The following MAPT variants were observed in gnomAD, a reference collection of about 807,000 sequenced individuals.
MAPT encodes the protein microtubule associated protein tau, also known as microtubule-associated protein tau.
A neutral mutation model predicts 67.9 loss-of-function variants in MAPT; 34 were observed. The ratio of observed to expected loss-of-function variants is 0.50; its 90% CI spans 0.38 to 0.67. The LOEUF (loss-of-function observed/expected upper bound fraction) is 0.67. Ranked by LOEUF, MAPT falls within the 30% of genes least tolerant of loss-of-function variation. The probability of loss-of-function intolerance (pLI) is 0.00; values close to 1 mark genes in which losing one functional copy is unlikely to be tolerated. For synonymous variants in MAPT, 456 were observed against 464.5 expected (o/e 0.98, Z 0.23); for missense variants, 881 against 1,115.2 (o/e 0.79, Z 2.99).
chr17:46,005,084 A>G (rs2075319432), intron 9 of MAPT, among the ~76,000 whole-genome samples: 1 of 152,336 alleles, frequency 6.6e-6, no homozygotes, highest in Admixed American at 6.5e-5. Context: ...GTGCCCGGCC[A>G]GAAAAAAACA....
intron 9 of MAPT, chr17:45,999,747 A>G: frequency 8.1e-7 from 1 of 1,229,764 alleles, no homozygotes; most frequent in Non-Finnish European, 1.1e-6. Context: ...AAAGGGTTAA[A>G]GGAGAAAGGG....
At chr17:45,942,106 G>A (rs1477220436) in intron 1 of MAPT, among the ~76,000 whole-genome samples, 1 of 152,122 alleles carries the variant, frequency 6.6e-6, no homozygotes, top group Non-Finnish European at 1.5e-5. Context: ...AGACAAAAAT[G>A]TAGACACTAA....
At position 46,027,523 on chromosome 17, in the gene MAPT, A is replaced by C. The variant is rs560449740; in HGVS notation, c.*3352A>C. The stretch of plus-strand genomic sequence containing the variant: ...GTGGTGAGACTGTATCCTGTTTGCT[A>C]TTGCTTGTTGTGCTATGGGGGGAGG... On this transcript the variant is annotated 3_prime_UTR_variant, in exon 13 of 13. Coordinates refer to ENST00000262410, the MANE Select transcript of MAPT (RefSeq NM_001377265.1). The C allele has an allele frequency of 6.6e-6, 1 of 152,218 alleles. No homozygotes were observed. Among genetic ancestry groups the C allele is most frequent in the East Asian group, 1.9e-4 (1 of 5,170 alleles). The allele number at this position is 152,218 out of a possible 1,614,324, so 9.4% of individuals were successfully genotyped here.
rs189207308 is a variant in MAPT, at chr17:45,989,379, G to A, written c.1408-499G>A. ...TAAAAGCTTTGTCAGGGCCAGGCGC[G>A]GTGGCTCACGCCTGTAATCCCAGCA... On this transcript the variant is annotated intron_variant, in intron 6 of 12. Transcript: ENST00000262410. Among the ~76,000 whole-genome samples the A allele has an allele frequency of 3.8e-3, 583 of 152,162 alleles. 6 individuals are homozygous for A. The highest frequency in any genetic ancestry group is 0.014 in the Middle Eastern group (4 of 294).
At chr17:45,992,919 C>T (rs1210088394) in intron 8 of MAPT, among the ~76,000 whole-genome samples, 2 of 151,508 alleles carry the variant, frequency 1.3e-5, no homozygotes, top group African/African-American at 4.9e-5. Context: ...AACAGTCGTC[C>T]TCTTTGGGGA....
At chr17:45,933,329 C>T (rs1262959900) in intron 1 of MAPT, among the ~76,000 whole-genome samples, 1 of 150,956 alleles carries the variant, frequency 6.6e-6, no homozygotes, top group Non-Finnish European at 1.5e-5. Flanking sequence ...ACTACATCCT[C>T]TGCCTCCTCA....
At position 45,986,521 on chromosome 17, in the gene MAPT, C is replaced by A. The variant is rs368387880; in HGVS notation, c.1352-519C>A. Among the ~76,000 whole-genome samples the A allele has an allele frequency of 4.0e-4, 61 of 152,314 alleles. 1 individual carries two copies. In the South Asian group the frequency reaches 0.013, roughly 32 times the overall value. ...GGTGAGCAGGCACCTCACAGGGAAT[C>A]AGGGCCAAGCCTGGCTGCAGTGTGG... On this transcript the variant is annotated intron_variant, in intron 5 of 12. Coordinates refer to ENST00000262410, the MANE Select transcript of MAPT (RefSeq NM_001377265.1).
chr17:46,020,616 C>A (rs1400190659), intron 12 of MAPT, among the ~76,000 whole-genome samples: 1 of 152,158 alleles, frequency 6.6e-6, no homozygotes, highest in African/African-American at 2.4e-5. Flanking sequence ...CTGGGGAGGC[C>A]TGACAATCAT....
intron 12 of MAPT, among the ~76,000 whole-genome samples, chr17:46,023,076 G>C (rs796702011): frequency 1.6e-4 from 24 of 152,306 alleles, no homozygotes; most frequent in African/African-American, 5.5e-4. Context: ...GGAATGTGTG[G>C]CTCATGTCTG....
intron 1 of MAPT, among the ~76,000 whole-genome samples, chr17:45,956,596 ATATATT>A (rs1364786109): frequency 1.1e-3 from 36 of 33,262 alleles, no homozygotes; most frequent in African/African-American, 3.3e-3. Context: ...ATATATATAT[ATATATT>A]TTTTATTATT....
At chr17:45,909,428 T>C (rs1051309163) in intron 1 of MAPT, among the ~76,000 whole-genome samples, 1 of 152,134 alleles carries the variant, frequency 6.6e-6, no homozygotes, top group Admixed American at 6.5e-5. Context: ...AATTAGAAGG[T>C]CAGTCCCAAT....
Position 45,906,887 on chromosome 17 carries a change from G to C in MAPT, c.-18+12201G>C, listed in dbSNP as rs62056807. ...AGGCATTGCCTCAGTTTGCCCCTCT[G>C]TTTCCAGTCACACTCTCACCAGCGA... On this transcript the variant is annotated intron_variant, in intron 1 of 12. Coordinates refer to ENST00000262410, the MANE Select transcript of MAPT (RefSeq NM_001377265.1). The surrounding 1 kb of genome is among the most constrained non-coding windows in gnomAD (Gnocchi z 4.3). 0.14 allele frequency among the ~76,000 whole-genome samples: 21,821 copies of C among 152,072 alleles called. 2,138 individuals carry two copies. Among genetic ancestry groups the C allele is most frequent in the Middle Eastern group, 0.22 (64 of 294 alleles).
intron 1 of MAPT, among the ~76,000 whole-genome samples, chr17:45,901,060 T>C (rs1365033664): frequency 6.6e-6 from 1 of 152,150 alleles, no homozygotes; most frequent in Non-Finnish European, 1.5e-5. Context: ...ATAGGAAAAG[T>C]CGGCAACTAC....
chr17:45,896,243 A>T lies in MAPT; in HGVS notation c.-18+1557A>T, dbSNP rs1244962597. 6.6e-6 allele frequency: 1 copy of T among 151,982 alleles called. No individual in the cohort carries two copies. The allele number at this position is 151,982 out of a possible 1,614,324, so 9.4% of individuals were successfully genotyped here. A position where few individuals can be genotyped will look rare whatever the true frequency, so the allele number is the denominator to read the frequency against. On this transcript the variant is annotated intron_variant, in intron 1 of 12. Transcript: ENST00000262410. This position sits in a 1 kb window ranked among gnomAD's most constrained non-coding sequence, Gnocchi z 5.6. ...GCCGGGAAGCTTCTGAAGGGATGGG[A>T]TTCGAGTCTCCGTGCGCGCTGCGGG... is the stretch of plus-strand genomic sequence containing the variant.
chr17:45,922,264 G>A (rs2065811520), intron 1 of MAPT, among the ~76,000 whole-genome samples: 1 of 152,078 alleles, frequency 6.6e-6, no homozygotes, highest in East Asian at 1.9e-4. Context: ...TGTGACTCTT[G>A]TTACAAAGGC....
chr17:45,947,308 G>A (rs2068600272), intron 1 of MAPT, among the ~76,000 whole-genome samples: 1 of 151,740 alleles, frequency 6.6e-6, no homozygotes, highest in African/African-American at 2.4e-5. Context: ...CCACAGAAGA[G>A]TATGTTTAGC....
At chr17:45,989,780 C>T in intron 6 of MAPT, 98 bp from the exon 7 acceptor site, 1 of 1,084,508 alleles carries the variant, frequency 9.2e-7, no homozygotes, top group Non-Finnish European at 1.4e-6. Flanking sequence ...TCAACCATTA[C>T]CTGCCTTATT....
intron 11 of MAPT, among the ~76,000 whole-genome samples, chr17:46,016,768 A>C (rs2076208861): frequency 8.9e-6 from 1 of 112,744 alleles, no homozygotes; most frequent in African/African-American, 2.6e-5. Context: ...GAGACTCAGC[A>C]AAAAAAGAAA....
intron 1 of MAPT, among the ~76,000 whole-genome samples, chr17:45,948,336 C>G (rs1189603604): frequency 6.6e-6 from 1 of 152,166 alleles, no homozygotes; most frequent in Non-Finnish European, 1.5e-5. Context: ...GTTGCACTCG[C>G]TCCCCGCTCC....
Sources: allele counts gnomAD v4.1 joint callset (sites outside exome capture counted in the v4.1 genomes callset), GRCh38; gene constraint gnomAD v4.1.1; non-coding constraint Gnocchi (gnomAD v3.1); transcripts MANE v1.5; gene names NCBI Gene and HGNC (gene_info 2026-07-23, HGNC 2026-07-21).